SAG: variants seen among roughly 807,000 people sequenced by gnomAD.
The protein encoded by SAG is S-arrestin.
Under a neutral mutation model 55.0 loss-of-function variants are expected in SAG, and 45 were observed. The ratio of observed to expected loss-of-function variants is 0.82; its 90% confidence interval spans 0.64 to 1.05. The LOEUF is 1.05. Among genes scored for constraint, SAG ranks in the 50% least tolerant of loss-of-function variants. The pLI, the probability that SAG is intolerant of heterozygous loss-of-function variation, is 0.00. For synonymous variants in SAG, 189 were observed against 197.4 expected (o/e 0.96, Z 0.36); for missense variants, 455 against 512.1 (o/e 0.89, Z 1.08).
chr2:233,329,191 C>G, intron 8 of SAG: 1 of 385,076 alleles, frequency 2.6e-6, no homozygotes. Context: ...GGGTGGGATG[C>G]CAGCACTTGG....
rs1485790314 is a variant in SAG, at chr2:233,321,137, C to T, written c.375+314C>T. 2.6e-5 allele frequency among the ~76,000 whole-genome samples: 4 copies of T among 152,218 alleles called. No individual in the cohort carries two copies. The East Asian group carries it at 5.8e-4, about 22-fold the overall frequency. On this transcript the variant is annotated intron_variant, in intron 5 of 15. Transcript: ENST00000409110. The stretch of plus-strand genomic sequence containing the variant: ...AAAGAAAGCTCACAGAAATGCCCCT[C>T]GGCCCTGGGGAGTTCTAAGTAGGAA...
intron 13 of SAG, among the ~76,000 whole-genome samples, chr2:233,341,779 GT>G (rs1701110270): frequency 1.3e-5 from 2 of 152,164 alleles, no homozygotes; most frequent in Non-Finnish European, 2.9e-5. Context: ...AGTGGTGATG[GT>G]TGCATAACAG....
chr2:233,320,894 A>G, intron 5 of SAG, 71 bp downstream of exon 5: 1 of 1,329,022 alleles, frequency 7.5e-7, no homozygotes, highest in Non-Finnish European at 1.0e-6. Flanking sequence ...GGGGCAAAGG[A>G]AAGGGGATAG....
At chr2:233,309,361 CTT>C in intron 2 of SAG, 97 bp downstream of exon 2, 2 of 1,137,172 alleles carry the variant, frequency 1.8e-6, no homozygotes, top group Non-Finnish European at 2.6e-6. Context: ...CATCAAAACT[CTT>C]TGAGGGCCAG....
Position 233,315,809 on chromosome 2 carries a change from T to A in SAG, c.76-266T>A, listed in dbSNP as rs184119548. ...CCTCCGCCTCCCAGGTTTAACTGATTCTCCTGCCTCAGCCTCTTGAGTAGC... is the reference window on the plus strand; with the variant it reads ...CCTCCGCCTCCCAGGTTTAACTGATACTCCTGCCTCAGCCTCTTGAGTAGC... On this transcript the variant is annotated intron_variant, in intron 2 of 15. Transcript: ENST00000409110. Among the ~76,000 whole-genome samples the A allele has an allele frequency of 4.3e-4, 65 of 151,782 alleles. No homozygotes were observed. The East Asian group carries it at 0.011, about 26-fold the overall frequency.
At chr2:233,329,801 T>C (rs1203982566) in intron 9 of SAG, among the ~76,000 whole-genome samples, 1 of 152,228 alleles carries the variant, frequency 6.6e-6, no homozygotes, top group African/African-American at 2.4e-5. Context: ...TGGAACAAAA[T>C]TCCTGGCAAG....
intron 9 of SAG, among the ~76,000 whole-genome samples, chr2:233,330,612 C>A (rs979820493): frequency 6.6e-6 from 1 of 151,418 alleles, no homozygotes; most frequent in Non-Finnish European, 1.5e-5. Flanking sequence ...CTCACTGCAA[C>A]CTCCAGCTCC....
At position 233,340,394 on chromosome 2, in the gene SAG, TG is replaced by T; in HGVS notation, c.1023-58del. On this transcript the variant is annotated intron_variant, in intron 12 of 15. Transcript: ENST00000409110. The surrounding 1 kb of genome is among the most constrained non-coding windows in gnomAD (Gnocchi z 4.2). ...TGGGCTGTGTCCTGCCTCTGAATCA[TG>T]GGAAAGGGTCGTGTTACCACTGTGA... 6.6e-7 allele frequency: 1 copy of T among 1,511,032 alleles called. No individual in the cohort carries two copies. Among genetic ancestry groups the T allele is most frequent in the Non-Finnish European group, 9.1e-7 (1 of 1,093,672 alleles). The allele number at this position is 1,511,032 out of a possible 1,614,324, so 93.6% of individuals were successfully genotyped here.
chr2:233,330,612 C>T (rs979820493), intron 9 of SAG, among the ~76,000 whole-genome samples: 1 of 151,418 alleles, frequency 6.6e-6, no homozygotes, highest in South Asian at 2.1e-4. Flanking sequence ...CTCACTGCAA[C>T]CTCCAGCTCC....
chr2:233,315,190 C>T (rs1448031841), intron 2 of SAG, among the ~76,000 whole-genome samples: 3 of 148,632 alleles, frequency 2.0e-5, no homozygotes, highest in Non-Finnish European at 4.5e-5. Flanking sequence ...TCCCTCAGTG[C>T]GTGGCTTTAG....
intron 5 of SAG, among the ~76,000 whole-genome samples, chr2:233,322,154 C>G (rs1422065145): frequency 6.9e-6 from 1 of 144,272 alleles, no homozygotes; most frequent in Non-Finnish European, 1.5e-5. Flanking sequence ...CCACTGCACT[C>G]CAGCCTGGGT....
intron 2 of SAG, among the ~76,000 whole-genome samples, chr2:233,315,850 G>A (rs1305374767): frequency 6.6e-6 from 1 of 151,420 alleles, no homozygotes; most frequent in Non-Finnish European, 1.5e-5. Flanking sequence ...CTACAGGCGC[G>A]TGCCACCACG....
chr2:233,329,987 G>T (rs1330514012), intron 9 of SAG, among the ~76,000 whole-genome samples: 2 of 152,182 alleles, frequency 1.3e-5, no homozygotes, highest in African/African-American at 4.8e-5. Context: ...GCTTTGTGTG[G>T]CTTGAAGGAG....
intron 3 of SAG, 36 bp from the exon 4 acceptor site, chr2:233,318,715 C>A (rs772991668): frequency 1.9e-6 from 3 of 1,597,526 alleles, no homozygotes; most frequent in Non-Finnish European, 2.6e-6. Flanking sequence ...CTTTCATCTT[C>A]TCCACCCTCA....
In SAG at chr2:233,313,811, C is replaced by G. The variant is rs138052731; in HGVS notation, c.76-2264C>G. Among the ~76,000 whole-genome samples, 350 of 148,216 alleles carry G rather than the reference C, an allele frequency of 2.4e-3. 3 individuals carry two copies. Among genetic ancestry groups the G allele is most frequent in the African/African-American group, 8.3e-3 (335 of 40,386 alleles). ...CTTGAACTCCTGACTTCAGGTGATC[C>G]TTCCCACCTTGGTCTCTCAGTGTTG... On this transcript the variant is annotated intron_variant, in intron 2 of 15. Transcript: ENST00000409110.
In SAG at chr2:233,309,237, C is replaced by A. The variant is rs1700012018; in HGVS notation, c.48C>A (p.Ile16=). The change falls in exon 2 of 16, where the codon ATC becomes ATA. Residue 16 remains isoleucine, a synonymous_variant. Coordinates refer to ENST00000409110, the MANE Select transcript of SAG (RefSeq NM_000541.5). ...KTSKSEPNHV[I]FKKISRDKSV... is the part of the protein sequence containing the mutation. ...GCAAGTCCGAACCGAACCATGTTATCTTCAAGAAGATCTCCCGGGACAAAT... is the reference window on the plus strand; with the variant it reads ...GCAAGTCCGAACCGAACCATGTTATATTCAAGAAGATCTCCCGGGACAAAT... 1 of 1,613,690 alleles carries A rather than the reference C, an allele frequency of 6.2e-7. No homozygotes were observed. Among genetic ancestry groups the A allele is most frequent in the South Asian group, 1.1e-5 (1 of 91,048 alleles).
intron 8 of SAG, 120 bp from the exon 9 acceptor site, chr2:233,329,373 T>C: frequency 1.4e-6 from 1 of 691,348 alleles, no homozygotes; most frequent in Non-Finnish European, 2.6e-6. Flanking sequence ...CACTTCATCT[T>C]CCTTAAATTC....
chr2:233,317,372 G>A (rs935633909), intron 3 of SAG, among the ~76,000 whole-genome samples: 2 of 152,200 alleles, frequency 1.3e-5, no homozygotes, highest in African/African-American at 4.8e-5. Flanking sequence ...ATATTGTACT[G>A]TAATTATGGC....
rs1701072835 is a variant in SAG, at chr2:233,340,742, G to A, written c.1046+264G>A. ...CACCCAGAAAACTGGCACACTCCATGCAGCCAGCTTGTGTGTGTGTGTGTG... is the reference window on the plus strand; with the variant it reads ...CACCCAGAAAACTGGCACACTCCATACAGCCAGCTTGTGTGTGTGTGTGTG... On this transcript the variant is annotated intron_variant, in intron 13 of 15. Coordinates refer to ENST00000409110, the MANE Select transcript of SAG (RefSeq NM_000541.5). The surrounding 1 kb of genome is among the most constrained non-coding windows in gnomAD (Gnocchi z 4.2). 7.2e-6 allele frequency among the ~76,000 whole-genome samples: 1 copy of A among 138,196 alleles called. No homozygotes were observed. The highest frequency in any genetic ancestry group is 1.6e-5 in the Non-Finnish European group (1 of 63,160). The allele number at this position is 138,196 out of a possible 152,430, so 90.7% of individuals were successfully genotyped here. A position where few individuals can be genotyped will look rare whatever the true frequency, so the allele number is the denominator to read the frequency against.
Sources: allele counts gnomAD v4.1 joint callset (sites outside exome capture counted in the v4.1 genomes callset), GRCh38; gene constraint gnomAD v4.1.1; non-coding constraint Gnocchi (gnomAD v3.1); transcripts MANE v1.5; gene names NCBI Gene and HGNC (gene_info 2026-07-23, HGNC 2026-07-21).